Variants in ZSCAN2 observed in about 807,000 individuals in gnomAD.
ZSCAN2 encodes zinc finger and SCAN domain-containing protein 2.
A neutral mutation model predicts 47.8 loss-of-function variants in ZSCAN2; 26 were observed. That is an observed-to-expected ratio of 0.54 (90% CI 0.40 to 0.75). The LOEUF (loss-of-function observed/expected upper bound fraction) is 0.75. Among genes scored for constraint, ZSCAN2 ranks in the 30% least tolerant of loss-of-function variants. ZSCAN2 has a pLI of 0.00. For synonymous variants in ZSCAN2, 305 were observed against 288.7 expected (o/e 1.06, Z -0.57); for missense variants, 732 against 785.4 (o/e 0.93, Z 0.81).
At chr15:84,618,925 C>G (rs1443365783) in intron 2 of ZSCAN2, among the ~76,000 whole-genome samples, 1 of 152,098 alleles carries the variant, frequency 6.6e-6, no homozygotes, top group African/African-American at 2.4e-5. Context: ...AGCCAACACA[C>G]TATTCAGTAA....
At position 84,622,700 on chromosome 15, in the gene ZSCAN2, G is replaced by T; in HGVS notation, c.*660G>T. 1.4e-6 allele frequency: 1 copy of T among 717,328 alleles called. No individual in the cohort carries two copies. Among genetic ancestry groups the T allele is most frequent in the Non-Finnish European group, 2.6e-6 (1 of 385,068 alleles). 44.4% of individuals were successfully genotyped at this position (717,328 alleles called of 1,614,324 possible). On this transcript the variant is annotated 3_prime_UTR_variant, in exon 3 of 3. Transcript: ENST00000546148. ...AGTACAGCCTGGAGCCAGTGTCCCA[G>T]TGTCCTTTCCATTGGTAAGAGTTGG...
At chr15:84,616,436 C>G in intron 2 of ZSCAN2, 2 of 1,568,224 alleles carry the variant, frequency 1.3e-6, no homozygotes, top group Non-Finnish European at 1.7e-6. Context: ...GATTTTCTGC[C>G]TGAGCTTTCT....
In ZSCAN2 at chr15:84,623,316, T is replaced by C; in HGVS notation, c.*1276T>C. On this transcript the variant is annotated 3_prime_UTR_variant, in exon 3 of 3. Coordinates refer to ENST00000546148, the MANE Select transcript of ZSCAN2 (RefSeq NM_181877.4). ...ACCGCGTTAGCCAGGATGGTTTCGATCTCCTGTCCTCGTGATCTGCCCGCC... is the reference window on the plus strand; with the variant it reads ...ACCGCGTTAGCCAGGATGGTTTCGACCTCCTGTCCTCGTGATCTGCCCGCC... 5.2e-6 allele frequency: 1 copy of C among 191,516 alleles called. No homozygotes were observed. Among genetic ancestry groups the C allele is most frequent in the Non-Finnish European group, 1.2e-5 (1 of 84,070 alleles). 11.9% of individuals were successfully genotyped at this position (191,516 alleles called of 1,614,324 possible). A position where few individuals can be genotyped will look rare whatever the true frequency, so the allele number is the denominator to read the frequency against.
chr15:84,616,454 G>C (rs923369755), intron 2 of ZSCAN2: 4 of 1,546,152 alleles, frequency 2.6e-6, no homozygotes, highest in African/African-American at 2.8e-5. Flanking sequence ...TCTGAGTTCT[G>C]TTCCCTCCCA....
chr15:84,606,809 T>C, intron 2 of ZSCAN2: 1 of 1,292,188 alleles, frequency 7.7e-7, no homozygotes, highest in Non-Finnish European at 9.8e-7. Context: ...ACACATGGGT[T>C]TGTCTGTCCC....
intron 2 of ZSCAN2, among the ~76,000 whole-genome samples, chr15:84,619,370 C>T (rs996528548): frequency 7.3e-5 from 11 of 151,002 alleles, no homozygotes; most frequent in Non-Finnish European, 1.2e-4. Flanking sequence ...GCGGAGCTTG[C>T]AGTGAGCCGA....
At chr15:84,604,746 T>A (rs1321006671) in intron 2 of ZSCAN2, among the ~76,000 whole-genome samples, 1 of 149,234 alleles carries the variant, frequency 6.7e-6, no homozygotes, top group Non-Finnish European at 1.5e-5. Flanking sequence ...TTCTTTTTTT[T>A]TTTTTTTTTG....
Position 84,601,029 on chromosome 15 carries a change from G to C in ZSCAN2, c.-215G>C, listed in dbSNP as rs1174516302. The C allele has an allele frequency of 1.3e-5, 2 of 152,336 alleles. No individual in the cohort carries two copies. The highest frequency in any genetic ancestry group is 4.8e-5 in the African/African-American group (2 of 41,466). 9.4% of individuals were successfully genotyped at this position (152,336 alleles called of 1,614,324 possible). On this transcript the variant is annotated 5_prime_UTR_variant, in exon 1 of 3. Transcript: ENST00000546148. ...CGGGCCTCTCCCGTCCATTGTTCTC[G>C]GTGCCCCACGGGCTTGAGCCGGGGT...
At position 84,621,415 on chromosome 15, in the gene ZSCAN2, C is replaced by G; in HGVS notation, c.1220C>G (p.Thr407Ser). The G allele has an allele frequency of 6.2e-7, 1 of 1,614,050 alleles. No homozygotes were observed. The highest frequency in any genetic ancestry group is 8.5e-7 in the Non-Finnish European group (1 of 1,180,008). ...QRFSQSSALITHRRTHTGEKP... is the reference protein window; with the variant it reads ...QRFSQSSALISHRRTHTGEKP... The stretch of plus-strand genomic sequence containing the variant: ...TTCAGCCAGAGTTCAGCCCTCATCA[C>G]CCACCGGAGAACCCACACAGGAGAG... The change falls in exon 3 of 3, where the codon ACC (threonine) becomes AGC (serine). Residue 407 changes from threonine to serine, a missense_variant. Thr to Ser is a moderately conservative substitution (Grantham distance 58). This residue lies in a region of ZSCAN2 where 412 missense variants were observed against 498.0 expected (regional missense o/e 0.83). Coordinates refer to ENST00000546148, the MANE Select transcript of ZSCAN2 (RefSeq NM_181877.4). The surrounding 1 kb of genome is among the most constrained non-coding windows in gnomAD (Gnocchi z 5.7).
At position 84,603,999 on chromosome 15, in the gene ZSCAN2, TAGAC is replaced by T. The variant is rs773223840; in HGVS notation, c.75_78del (p.Gln26ArgfsTer7). On this transcript the variant is annotated frameshift_variant, in exon 2 of 3. Transcript: ENST00000546148. LOFTEE classifies it high-confidence loss of function. ...TGGTCCAGGTGCCTCAAGAGGAAGA[TAGAC>T]AGGAGGAGGAGGTCACCACCATGAT... 9.9e-6 allele frequency: 16 copies of T among 1,613,814 alleles called. No homozygotes were observed. The highest frequency in any genetic ancestry group is 1.4e-5 in the Non-Finnish European group (16 of 1,179,964).
Position 84,620,832 on chromosome 15 carries a change from C to G in ZSCAN2, c.637C>G (p.Gln213Glu), listed in dbSNP as rs1454888148. The change falls in exon 3 of 3, where the codon CAG becomes GAG. Residue 213 changes from glutamine (Q) to glutamate (E), a missense_variant. This residue lies in a region of ZSCAN2 where 320 missense variants were observed against 287.4 expected (regional missense o/e 1.11). Coordinates refer to ENST00000546148, the MANE Select transcript of ZSCAN2 (RefSeq NM_181877.4). ...DREVGQLIGL[Q>E]GTYLGEKPYE... ...GGAAGTTGGCCAGCTCATAGGCCTG[C>G]AGGGCACCTACCTAGGGGAGAAGCC... 6.2e-7 allele frequency: 1 copy of G among 1,614,226 alleles called. No individual in the cohort carries two copies. Among genetic ancestry groups the G allele is most frequent in the East Asian group, 2.2e-5 (1 of 44,892 alleles).
intron 2 of ZSCAN2, chr15:84,616,734 T>G (rs1014460667): frequency 1.0e-6 from 1 of 986,710 alleles, no homozygotes; most frequent in East Asian, 1.0e-4. Context: ...ATGTTTTTGG[T>G]CATGTTAGTT....
Position 84,623,293 on chromosome 15 carries a change from C to A in ZSCAN2, c.*1253C>A, listed in dbSNP as rs780179010. 1.7e-5 allele frequency: 3 copies of A among 178,586 alleles called. No homozygotes were observed. The South Asian group carries it at 2.7e-4, about 16-fold the overall frequency. 11.1% of individuals were successfully genotyped at this position (178,586 alleles called of 1,614,324 possible). A position where few individuals can be genotyped will look rare whatever the true frequency, so the allele number is the denominator to read the frequency against. On this transcript the variant is annotated 3_prime_UTR_variant, in exon 3 of 3. Coordinates refer to ENST00000546148, the MANE Select transcript of ZSCAN2 (RefSeq NM_181877.4). ...ATTTTTAGTAGAGACGGGGTTTCAC[C>A]GCGTTAGCCAGGATGGTTTCGATCT...
Position 84,623,005 on chromosome 15 carries a change from C to T in ZSCAN2, c.*965C>T. The T allele has an allele frequency of 3.3e-6, 1 of 302,146 alleles. No individual in the cohort carries two copies. 18.7% of individuals were successfully genotyped at this position (302,146 alleles called of 1,614,324 possible). A position where few individuals can be genotyped will look rare whatever the true frequency, so the allele number is the denominator to read the frequency against. ...CATAATTTCTGAATTATTCTATGCACTTGTTTCCCTCTTCTTTTATTTTTT... is the reference window on the plus strand; with the variant it reads ...CATAATTTCTGAATTATTCTATGCATTTGTTTCCCTCTTCTTTTATTTTTT... On this transcript the variant is annotated 3_prime_UTR_variant, in exon 3 of 3. Transcript: ENST00000546148.
chr15:84,608,530 CAAAAAAA>C lies in ZSCAN2; in HGVS notation c.406+4211_406+4217del, dbSNP rs1181525313. Reference sequence around the variant, plus strand: ...CCTGGGTGACAGCAAGACTCTGTCTCAAAAAAAAAAAAAAAAAAAAGAAACTGAGGGC... The same window carrying C: ...CCTGGGTGACAGCAAGACTCTGTCTCAAAAAAAAAAAAAGAAACTGAGGGC... On this transcript the variant is annotated intron_variant, in intron 2 of 2. Transcript: ENST00000546148. Among the ~76,000 whole-genome samples, 333 of 92,650 alleles carry C rather than the reference CAAAAAAA, an allele frequency of 3.6e-3. 2 individuals are homozygous for C. The highest frequency in any genetic ancestry group is 5.7e-3 in the Non-Finnish European group (272 of 47,990). The allele number at this position is 92,650 out of a possible 152,430, so 60.8% of individuals were successfully genotyped here.
intron 2 of ZSCAN2, among the ~76,000 whole-genome samples, chr15:84,618,557 A>G (rs920490727): frequency 6.6e-6 from 1 of 151,114 alleles, no homozygotes; most frequent in East Asian, 1.9e-4. Flanking sequence ...CCCAACAGCC[A>G]TTAATTTTTT....
Position 84,623,367 on chromosome 15 carries a change from C to T in ZSCAN2, c.*1327C>T, listed in dbSNP as rs771257012. 19 of 200,404 alleles carry T rather than the reference C, an allele frequency of 9.5e-5. No individual in the cohort carries two copies. The highest frequency in any genetic ancestry group is 2.9e-4 in the African/African-American group (12 of 41,728). 12.4% of individuals were successfully genotyped at this position (200,404 alleles called of 1,614,324 possible). On this transcript the variant is annotated 3_prime_UTR_variant, in exon 3 of 3. Coordinates refer to ENST00000546148, the MANE Select transcript of ZSCAN2 (RefSeq NM_181877.4). Reference sequence around the variant, plus strand: ...TTGGCCTCCCGAAGTGCTGGGATTACAGGCGTGAGCCAGCGCACCCGGCCA... The same window carrying T: ...TTGGCCTCCCGAAGTGCTGGGATTATAGGCGTGAGCCAGCGCACCCGGCCA...
chr15:84,602,445 C>T lies in ZSCAN2; in HGVS notation c.-109+1310C>T, dbSNP rs1179665745. Among the ~76,000 whole-genome samples, 3 of 152,048 alleles carry T rather than the reference C, an allele frequency of 2.0e-5. No homozygotes were observed. The East Asian group carries it at 5.8e-4, about 29-fold the overall frequency. ...GCAGATCTTAAATTTCATATGTTTG[C>T]TCTTGTGCCGCCATTGCCAAATGAA... is the stretch of plus-strand genomic sequence containing the variant. On this transcript the variant is annotated intron_variant, in intron 1 of 2. Coordinates refer to ENST00000546148, the MANE Select transcript of ZSCAN2 (RefSeq NM_181877.4).
rs1895743303 is a variant in ZSCAN2, at chr15:84,618,388, A to G, written c.407-2214A>G. ...AGCCTAGATCTCGCCACTGCAGTCC[A>G]GGCTGGGTGACCAAGTGAGACTCTG... On this transcript the variant is annotated intron_variant, in intron 2 of 2. Transcript: ENST00000546148. Among the ~76,000 whole-genome samples the G allele has an allele frequency of 5.3e-5, 8 of 152,278 alleles. No homozygotes were observed. The South Asian group carries it at 1.2e-3, about 24-fold the overall frequency.
Sources: allele counts gnomAD v4.1 joint callset (sites outside exome capture counted in the v4.1 genomes callset), GRCh38; gene constraint gnomAD v4.1.1; regional missense constraint gnomAD v4.1.1; non-coding constraint Gnocchi (gnomAD v3.1); transcripts MANE v1.5; gene names NCBI Gene and HGNC (gene_info 2026-07-23, HGNC 2026-07-21).